Variants in ANO6 observed in about 807,000 individuals in gnomAD.
ANO6 encodes the protein anoctamin-6.
Under a neutral mutation model 117.5 loss-of-function variants are expected in ANO6, and 106 were observed. That is an observed-to-expected ratio of 0.90 (90% confidence interval 0.77 to 1.06). The LOEUF (loss-of-function observed/expected upper bound fraction) is 1.06, where lower values mean the gene tolerates loss of function less well. Among genes scored for constraint, ANO6 ranks in the 50% least tolerant of loss-of-function variants. The pLI is 0.00. For missense variants in ANO6, 955 were observed against 1,121.1 expected (o/e 0.85, Z 2.12); for synonymous variants, 367 against 385.1 (o/e 0.95, Z 0.55).
intron 2 of ANO6, among the ~76,000 whole-genome samples, chr12:45,309,493 C>G (rs1357855310): frequency 6.6e-6 from 1 of 151,932 alleles, no homozygotes; most frequent in Non-Finnish European, 1.5e-5. Context: ...AGAATCAGAG[C>G]CAGCTACCCA....
intron 2 of ANO6, among the ~76,000 whole-genome samples, chr12:45,304,561 A>G (rs1939603019): frequency 6.6e-6 from 1 of 152,196 alleles, no homozygotes; most frequent in Non-Finnish European, 1.5e-5. Flanking sequence ...ACCGAAATAA[A>G]GCAAAGCCTA....
At chr12:45,362,336 T>A (rs1941577100) in intron 8 of ANO6, among the ~76,000 whole-genome samples, 1 of 152,082 alleles carries the variant, frequency 6.6e-6, no homozygotes, top group Admixed American at 6.5e-5. Flanking sequence ...GTAACAGTAA[T>A]GTTTCCCTTT....
chr12:45,321,773 A>T (rs1940281710), intron 2 of ANO6, among the ~76,000 whole-genome samples: 1 of 152,146 alleles, frequency 6.6e-6, no homozygotes, highest in African/African-American at 2.4e-5. Context: ...ACAACTCAAA[A>T]ATCCTGCAAT....
intron 1 of ANO6, among the ~76,000 whole-genome samples, chr12:45,273,883 G>A (rs551287707): frequency 5.3e-4 from 80 of 152,282 alleles, no homozygotes; most frequent in African/African-American, 1.9e-3. Context: ...TTATGGGTAA[G>A]GAATGTTATC....
downstream of ANO6, among the ~76,000 whole-genome samples, chr12:45,433,790 C>G (rs1291511407): frequency 6.6e-6 from 1 of 152,198 alleles, no homozygotes; most frequent in African/African-American, 2.4e-5. Context: ...ACTGACCCCA[C>G]CCAGAGCCTT....
intron 3 of ANO6, among the ~76,000 whole-genome samples, chr12:45,343,056 C>T (rs1178155791): frequency 6.6e-6 from 1 of 152,050 alleles, no homozygotes; most frequent in African/African-American, 2.4e-5. Flanking sequence ...GGTGAGGTCA[C>T]TTGCGAGCAT....
At chr12:45,257,231 G>T (rs1238440323) in intron 1 of ANO6, among the ~76,000 whole-genome samples, 1 of 152,186 alleles carries the variant, frequency 6.6e-6, no homozygotes, top group Non-Finnish European at 1.5e-5. Context: ...TCTGAGGGCA[G>T]TCTCATTCAC....
chr12:45,297,154 C>T (rs1939321262), intron 1 of ANO6, among the ~76,000 whole-genome samples: 1 of 152,110 alleles, frequency 6.6e-6, no homozygotes, highest in Non-Finnish European at 1.5e-5. Flanking sequence ...TTGTGCCAGG[C>T]CTTGGTATAC....
intron 1 of ANO6, among the ~76,000 whole-genome samples, chr12:45,292,263 A>T (rs1468993139): frequency 2.6e-5 from 4 of 152,240 alleles, no homozygotes; most frequent in Admixed American, 2.6e-4. Context: ...TTAAATAGGC[A>T]AATTCATAGA....
At chr12:45,249,646 A>G (rs571637099) in intron 1 of ANO6, among the ~76,000 whole-genome samples, 23 of 152,332 alleles carry the variant, frequency 1.5e-4, no homozygotes, top group African/African-American at 5.5e-4. Flanking sequence ...GAGAGCCATC[A>G]GATAGTAGAG....
chr12:45,429,798 A>T lies in ANO6; in HGVS notation c.*487A>T. ...GCTTTCATGTGATTAAAAATAGCTAACTAGACTCAAGGATTCACAATATTT... is the reference window on the plus strand; with the variant it reads ...GCTTTCATGTGATTAAAAATAGCTATCTAGACTCAAGGATTCACAATATTT... On this transcript the variant is annotated 3_prime_UTR_variant, in exon 20 of 20. Transcript: ENST00000320560. 1 of 995,894 alleles carries T rather than the reference A, an allele frequency of 1.0e-6. No homozygotes were observed. The allele number at this position is 995,894 out of a possible 1,614,324, so 61.7% of individuals were successfully genotyped here. A position where few individuals can be genotyped will look rare whatever the true frequency, so the allele number is the denominator to read the frequency against.
In ANO6 at chr12:45,348,416, G is replaced by T. The variant is rs939572441; in HGVS notation, c.633+101G>T. On this transcript the variant is annotated intron_variant, in intron 5 of 19. Transcript: ENST00000320560. ...TTTATTTTTAAAAACTGCACAAAAA[G>T]AAAAGAAATATGCCAGCAGATTTGT... The T allele has an allele frequency of 1.7e-5, 27 of 1,571,178 alleles. No homozygotes were observed. In the African/African-American group the frequency reaches 3.1e-4, roughly 18 times the overall value.
intron 2 of ANO6, among the ~76,000 whole-genome samples, chr12:45,311,681 G>C (rs1877972): frequency 0.92 from 140,649 of 152,116 alleles, 66,015 homozygotes; most frequent in East Asian, 1. Flanking sequence ...GAAAGATTTT[G>C]TCATAATTAA....
At position 45,409,241 on chromosome 12, in the gene ANO6, C is replaced by T. The variant is rs1184249572; in HGVS notation, c.1881-116C>T. On this transcript the variant is annotated intron_variant, in intron 15 of 19. Transcript: ENST00000320560. The stretch of plus-strand genomic sequence containing the variant: ...AATAAAAACAAATTTAGCATGCAAA[C>T]AAAAAAATAGTTTATTGGGAAGATT... The T allele has an allele frequency of 2.9e-6, 4 of 1,387,212 alleles. No homozygotes were observed. The Admixed American group carries it at 5.5e-5, about 19-fold the overall frequency. The allele number at this position is 1,387,212 out of a possible 1,614,324, so 85.9% of individuals were successfully genotyped here.
intron 1 of ANO6, among the ~76,000 whole-genome samples, chr12:45,284,198 C>A (rs1231276734): frequency 6.6e-6 from 1 of 152,216 alleles, no homozygotes; most frequent in African/African-American, 2.4e-5. Context: ...GGAAACCCAG[C>A]AAGGCCTGTG....
At chr12:45,375,833 A>G (rs1237143302) in intron 9 of ANO6, among the ~76,000 whole-genome samples, 5 of 150,508 alleles carry the variant, frequency 3.3e-5, no homozygotes, top group Non-Finnish European at 4.4e-5. Context: ...AGCAATGGCA[A>G]CAAAAGCCAA....
intron 1 of ANO6, 36 bp downstream of exon 1, chr12:45,216,427 C>G: frequency 6.2e-7 from 1 of 1,600,118 alleles, no homozygotes; most frequent in East Asian, 2.3e-5. Context: ...ACCCGAGAGC[C>G]CGAGCCGACG....
intron 10 of ANO6, among the ~76,000 whole-genome samples, chr12:45,384,655 G>C (rs989795830): frequency 1.3e-5 from 2 of 152,120 alleles, no homozygotes; most frequent in African/African-American, 2.4e-5. Context: ...TAATTTTGCT[G>C]TCTTACATAG....
At chr12:45,326,903 C>A (rs1231470375) in intron 2 of ANO6, among the ~76,000 whole-genome samples, 2 of 152,188 alleles carry the variant, frequency 1.3e-5, no homozygotes, top group South Asian at 4.1e-4. Context: ...CATAACCAGT[C>A]TCTCCATAAC....
Sources: gnomAD v4.1 joint callset for allele counts (sites outside exome capture counted in the v4.1 genomes callset) on GRCh38, gnomAD v4.1.1 for gene constraint, MANE v1.5 for transcripts, NCBI Gene and HGNC (gene_info 2026-07-23, HGNC 2026-07-21) for gene names.